DFFA: variants seen among roughly 807,000 people sequenced by gnomAD.
The protein encoded by DFFA is DFF45.
In DFFA, 14 loss-of-function variants were observed where a neutral mutation model predicts 28.0. That is an observed-to-expected ratio of 0.50 (90% CI 0.33 to 0.78). DFFA has a LOEUF of 0.78. DFFA is among the 30% of genes least tolerant of loss of function. The pLI is 0.02. For synonymous variants in DFFA, 158 were observed against 170.3 expected, an observed-to-expected ratio of 0.93 and a Z score of 0.56; for missense variants, 395 against 407.1, an observed-to-expected ratio of 0.97 and a Z score of 0.26.
rs1640937579 is a variant in DFFA, at chr1:10,461,473, C to T, written c.*17G>A. ...ACACAACGCCACAGAGCTTCCTTGG[C>T]ACACTTCCCGCTGCTGCTATGTGGG... On this transcript the variant is annotated 3_prime_UTR_variant, in exon 6 of 6. Coordinates refer to ENST00000377038, the MANE Select transcript of DFFA (RefSeq NM_004401.3). The T allele has an allele frequency of 2.5e-6, 4 of 1,608,712 alleles. No individual in the cohort carries two copies. The East Asian group carries it at 6.7e-5, about 27-fold the overall frequency.
intron 5 of DFFA, among the ~76,000 whole-genome samples, chr1:10,462,052 G>C (rs1027572380): frequency 6.6e-6 from 1 of 152,168 alleles, no homozygotes; most frequent in Non-Finnish European, 1.5e-5. Flanking sequence ...TAGAGACGGG[G>C]TTTCACCGTG....
chr1:10,463,299 GA>G, intron 4 of DFFA, 90 bp from the exon 5 acceptor site: 1 of 1,563,406 alleles, frequency 6.4e-7, no homozygotes, highest in Admixed American at 1.7e-5. Context: ...GGGCAAGAGA[GA>G]AACGTGCCCG....
intron 2 of DFFA, among the ~76,000 whole-genome samples, chr1:10,468,128 CT>C (rs57035535): frequency 0.74 from 109,299 of 148,668 alleles, 40,407 homozygotes; most frequent in African/African-American, 0.85. Context: ...CTTCAGGACA[CT>C]TTTTTTTTTT....
In DFFA at chr1:10,472,517, C is replaced by A; in HGVS notation, c.-59G>T. 1 of 1,534,076 alleles carries A rather than the reference C, an allele frequency of 6.5e-7. No individual in the cohort carries two copies. Among genetic ancestry groups the A allele is most frequent in the Non-Finnish European group, 8.8e-7 (1 of 1,132,574 alleles). The stretch of plus-strand genomic sequence containing the variant: ...AGTCGCGGGAGGCCGGAGCGGCGGT[C>A]CTTCTACTCGACCCCCTTCCGCAGC... On this transcript the variant is annotated 5_prime_UTR_variant, in exon 1 of 6. Coordinates refer to ENST00000377038, the MANE Select transcript of DFFA (RefSeq NM_004401.3). This position sits in a 1 kb window ranked among gnomAD's most constrained non-coding sequence, Gnocchi z 5.0.
chr1:10,469,122 T>C (rs1641059128), intron 2 of DFFA, 55 bp downstream of exon 2: 24 of 1,538,732 alleles, frequency 1.6e-5, no homozygotes, highest in Non-Finnish European at 1.9e-5. Flanking sequence ...GTGAAAGTAA[T>C]CATGATGGAT....
chr1:10,463,866 T>A (rs1640985923), intron 3 of DFFA, among the ~76,000 whole-genome samples: 1 of 152,014 alleles, frequency 6.6e-6, no homozygotes, highest in Non-Finnish European at 1.5e-5. Flanking sequence ...GGTTTTGTCA[T>A]GTTGGCCAGG....
At position 10,468,182 on chromosome 1, in the gene DFFA, T is replaced by C. The variant is rs534214224; in HGVS notation, c.299-850A>G. Among the ~76,000 whole-genome samples the C allele has an allele frequency of 2.0e-5, 3 of 152,192 alleles. 1 individual carries two copies. In the South Asian group the frequency reaches 6.2e-4, roughly 32 times the overall value. ...ACTAATCCCCTCTCAAGACACTTCT[T>C]GATCCTTGGTCACCAATGTTAGTCC... On this transcript the variant is annotated intron_variant, in intron 2 of 5. Transcript: ENST00000377038.
intron 3 of DFFA, among the ~76,000 whole-genome samples, chr1:10,464,313 C>T (rs1448866892): frequency 4.6e-5 from 7 of 150,888 alleles, no homozygotes; most frequent in Admixed American, 1.3e-4. Flanking sequence ...AGGATGGTCT[C>T]GATCTCCTGA....
At chr1:10,466,350 C>T (rs930480718) in intron 3 of DFFA, among the ~76,000 whole-genome samples, 5 of 152,044 alleles carry the variant, frequency 3.3e-5, no homozygotes, top group African/African-American at 9.6e-5. Flanking sequence ...CCACCAGGCC[C>T]GGCTAATTTT....
In DFFA at chr1:10,461,343, G is replaced by A. The variant is rs569152049; in HGVS notation, c.*147C>T. ...GGGCTAAAAAAAAAATTGGTGGAAC[G>A]GCGTATGTTGAGACCTGGAATAGCT... is the stretch of plus-strand genomic sequence containing the variant. On this transcript the variant is annotated 3_prime_UTR_variant, in exon 6 of 6. Coordinates refer to ENST00000377038, the MANE Select transcript of DFFA (RefSeq NM_004401.3). 5.6e-5 allele frequency: 77 copies of A among 1,372,030 alleles called. No homozygotes were observed. The highest frequency in any genetic ancestry group is 7.0e-5 in the Non-Finnish European group (73 of 1,042,848). The allele number at this position is 1,372,030 out of a possible 1,614,324, so 85.0% of individuals were successfully genotyped here.
intron 1 of DFFA, among the ~76,000 whole-genome samples, chr1:10,470,193 G>C (rs1291244527): frequency 1.3e-5 from 2 of 152,068 alleles, no homozygotes; most frequent in Non-Finnish European, 2.9e-5. Context: ...TTTTATAGAT[G>C]ATGAACCCAA....
Position 10,472,369 on chromosome 1 carries a change from T to C in DFFA, c.90A>G (p.Glu30=). The part of the protein sequence containing the change: ...PCLLRRNYSR[E]QHGVAASCLE... ...GGCAGGAGGCGGCCACGCCGTGCTG[T>C]TCGCGGCTGTAGTTGCGGCGCAGCA... The change falls in exon 1 of 6, where the codon GAA becomes GAG. Residue 30 remains glutamate (E), a synonymous_variant. Coordinates refer to ENST00000377038, the MANE Select transcript of DFFA (RefSeq NM_004401.3). The surrounding 1 kb of genome is among the most constrained non-coding windows in gnomAD (Gnocchi z 5.0). The C allele has an allele frequency of 6.2e-7, 1 of 1,611,848 alleles. No homozygotes were observed. The highest frequency in any genetic ancestry group is 8.5e-7 in the Non-Finnish European group (1 of 1,178,858).
At chr1:10,470,058 C>T (rs561525379) in intron 1 of DFFA, among the ~76,000 whole-genome samples, 1 of 152,220 alleles carries the variant, frequency 6.6e-6, no homozygotes, top group Non-Finnish European at 1.5e-5. Flanking sequence ...TAATGATCTA[C>T]CTGCCTCGGC....
intron 1 of DFFA, among the ~76,000 whole-genome samples, chr1:10,470,898 T>TA (rs1171020894): frequency 2.0e-5 from 3 of 149,822 alleles, no homozygotes; most frequent in Admixed American, 1.3e-4. Flanking sequence ...CCGTCTCTGC[T>TA]AAAAAATACA....
At chr1:10,467,821 T>A (rs1641043885) in intron 2 of DFFA, among the ~76,000 whole-genome samples, 1 of 152,174 alleles carries the variant, frequency 6.6e-6, no homozygotes, top group South Asian at 2.1e-4. Context: ...CTCTTTCATC[T>A]TTATCTCTGT....
rs1641081362 is a variant in DFFA, at chr1:10,470,479, C to T, written c.137-1141G>A. On this transcript the variant is annotated intron_variant, in intron 1 of 5. Coordinates refer to ENST00000377038, the MANE Select transcript of DFFA (RefSeq NM_004401.3). ...TCACTCTGTCGCCCAGGCTGGAGTGCCCAGGCGCTATCTGGGCTCACTGCA... is the reference window on the plus strand; with the variant it reads ...TCACTCTGTCGCCCAGGCTGGAGTGTCCAGGCGCTATCTGGGCTCACTGCA... Among the ~76,000 whole-genome samples, 5 of 147,556 alleles carry T rather than the reference C, an allele frequency of 3.4e-5. No individual in the cohort carries two copies. In the South Asian group the frequency reaches 1.1e-3, roughly 32 times the overall value.
In DFFA at chr1:10,461,402, TA is replaced by T; in HGVS notation, c.*87del. 1 of 1,502,324 alleles carries T rather than the reference TA, an allele frequency of 6.7e-7. No homozygotes were observed. The highest frequency in any genetic ancestry group is 8.9e-7 in the Non-Finnish European group (1 of 1,119,828). 93.1% of individuals were successfully genotyped at this position (1,502,324 alleles called of 1,614,324 possible). On this transcript the variant is annotated 3_prime_UTR_variant, in exon 6 of 6. Transcript: ENST00000377038. Reference sequence around the variant, plus strand: ...AGGTGCTCTAAGGCAGGGGGTAGAGTAGTACATAGGTAGTCAAATGATGAGG... The same window carrying T: ...AGGTGCTCTAAGGCAGGGGGTAGAGTGTACATAGGTAGTCAAATGATGAGG...
chr1:10,463,408 A>ACT, intron 4 of DFFA, 23 bp downstream of exon 4: 1 of 1,593,674 alleles, frequency 6.3e-7, no homozygotes, highest in Non-Finnish European at 8.5e-7. Context: ...TCTCAGAGTG[A>ACT]CTCTGCCTGC....
chr1:10,465,079 T>G (rs1172118921), intron 3 of DFFA, among the ~76,000 whole-genome samples: 1 of 146,966 alleles, frequency 6.8e-6, no homozygotes, highest in African/African-American at 2.4e-5. Context: ...TGTGAAGACC[T>G]CCTCTCTATA....
Sources: gnomAD v4.1 joint callset for allele counts (sites outside exome capture counted in the v4.1 genomes callset) on GRCh38, gnomAD v4.1.1 for gene constraint, Gnocchi (gnomAD v3.1) non-coding constraint, MANE v1.5 for transcripts, NCBI Gene and HGNC (gene_info 2026-07-23, HGNC 2026-07-21) for gene names.